HABP2: variants seen among roughly 807,000 people sequenced by gnomAD.
HABP2 encodes hyaluronan binding protein 2.
A neutral mutation model predicts 66.5 loss-of-function variants in HABP2; 65 were observed. That is an observed-to-expected ratio of 0.98 (90% confidence interval 0.80 to 1.20). HABP2 has a LOEUF of 1.20. Among genes scored for constraint, HABP2 ranks in the 50% most tolerant of loss-of-function variants. HABP2 has a pLI of 0.00. For synonymous variants in HABP2, 263 were observed against 253.9 expected, an observed-to-expected ratio of 1.04 and a Z score of -0.34; for missense variants, 786 against 691.0, an observed-to-expected ratio of 1.14 and a Z score of -1.54.
chr10:113,589,570 G>T lies in HABP2; in HGVS notation c.*1201G>T. On this transcript the variant is annotated 3_prime_UTR_variant, in exon 13 of 13. Coordinates refer to ENST00000351270, the MANE Select transcript of HABP2 (RefSeq NM_004132.5). The stretch of plus-strand genomic sequence containing the variant: ...GTTTCACACTTCTTTAGAGCTAGCT[G>T]ACCTTTGGCCAAAAATAAACTTTGA... The T allele has an allele frequency of 6.9e-7, 1 of 1,446,830 alleles. No individual in the cohort carries two copies. Among genetic ancestry groups the T allele is most frequent in the Non-Finnish European group, 9.4e-7 (1 of 1,067,388 alleles). The allele number at this position is 1,446,830 out of a possible 1,614,324, so 89.6% of individuals were successfully genotyped here.
chr10:113,587,912 C>T (rs986553018), intron 12 of HABP2, among the ~76,000 whole-genome samples: 11 of 152,024 alleles, frequency 7.2e-5, no homozygotes, highest in African/African-American at 1.7e-4. Flanking sequence ...TGAGGGCCCC[C>T]GAGAACTCAC....
rs546064784 is a variant in HABP2 at position 113,556,886 on chromosome 10, C to A, written c.69+3696C>A. On this transcript the variant is annotated intron_variant, in intron 1 of 12. Coordinates refer to ENST00000351270, the MANE Select transcript of HABP2 (RefSeq NM_004132.5). Reference sequence around the variant, plus strand: ...TGTTGAACTCCTGACCTTAAGTGATCCTCTAGCCTTGGCCTCTCAAAGTGC... The same window carrying A: ...TGTTGAACTCCTGACCTTAAGTGATACTCTAGCCTTGGCCTCTCAAAGTGC... 2.1e-5 allele frequency among the ~76,000 whole-genome samples: 3 copies of A among 141,134 alleles called. No homozygotes were observed. In the South Asian group the frequency reaches 6.6e-4, roughly 31 times the overall value. The allele number at this position is 141,134 out of a possible 152,430, so 92.6% of individuals were successfully genotyped here. A position where few individuals can be genotyped will look rare whatever the true frequency, so the allele number is the denominator to read the frequency against.
At chr10:113,573,320 C>A (rs1381065868) in intron 2 of HABP2, among the ~76,000 whole-genome samples, 1 of 152,304 alleles carries the variant, frequency 6.6e-6, no homozygotes, top group Admixed American at 6.5e-5. Flanking sequence ...TCCCAATGAC[C>A]AGTCTAGTGT....
chr10:113,581,869 C>G lies in HABP2; in HGVS notation c.839-7C>G. 6.2e-7 allele frequency: 1 copy of G among 1,613,728 alleles called. No homozygotes were observed. Among genetic ancestry groups the G allele is most frequent in the Non-Finnish European group, 8.5e-7 (1 of 1,179,812 alleles). On this transcript the variant is annotated splice_polypyrimidine_tract_variant and splice_region_variant and intron_variant, in intron 8 of 12. Coordinates refer to ENST00000351270, the MANE Select transcript of HABP2 (RefSeq NM_004132.5). ...ATAGCACAATTTATCTTTCTTGTGT[C>G]CCACAGACGTTGCCTACCCAGAGGA... is the stretch of plus-strand genomic sequence containing the variant.
At chr10:113,578,183 C>T in intron 6 of HABP2, 38 bp downstream of exon 6, 1 of 1,602,086 alleles carries the variant, frequency 6.2e-7, no homozygotes, top group Non-Finnish European at 8.5e-7. Context: ...ACAAGTGAGG[C>T]CTCTGGAACC....
intron 1 of HABP2, 106 bp from the exon 2 acceptor site, chr10:113,567,383 C>T (rs1184975354): frequency 2.3e-5 from 19 of 825,836 alleles, no homozygotes; most frequent in South Asian, 8.5e-5. Context: ...TCAGAAAGCA[C>T]GCAGTGCACC....
At chr10:113,575,707 C>T (rs561257547) in intron 3 of HABP2, among the ~76,000 whole-genome samples, 190 bp from the exon 4 acceptor site, 1 of 152,212 alleles carries the variant, frequency 6.6e-6, no homozygotes, top group Non-Finnish European at 1.5e-5. Flanking sequence ...GAATCCCTCT[C>T]TCTGGTCAGG....
At position 113,584,173 on chromosome 10, in the gene HABP2, T is replaced by C; in HGVS notation, c.1263T>C (p.Asp421=). The change falls in exon 11 of 13, where the codon GAT becomes GAC. Residue 421 remains aspartate (D), a synonymous_variant. Coordinates refer to ENST00000351270, the MANE Select transcript of HABP2 (RefSeq NM_004132.5). The part of the protein sequence containing the change: ...DIALLKLKPV[D]GHCALESKYV... ...CATTGCTCAAGTTAAAGCCAGTGGATGGTCACTGTGCTCTAGAATCCAAAT... is the reference window on the plus strand; with the variant it reads ...CATTGCTCAAGTTAAAGCCAGTGGACGGTCACTGTGCTCTAGAATCCAAAT... 6.2e-7 allele frequency: 1 copy of C among 1,613,792 alleles called. No individual in the cohort carries two copies. The highest frequency in any genetic ancestry group is 8.5e-7 in the Non-Finnish European group (1 of 1,179,668).
chr10:113,568,122 C>T (rs568894078), intron 2 of HABP2, among the ~76,000 whole-genome samples: 112 of 152,350 alleles, frequency 7.4e-4, no homozygotes, highest in African/African-American at 2.5e-3. Context: ...CCTGTGTCCT[C>T]GGCCTTGTGC....
At position 113,578,697 on chromosome 10, in the gene HABP2, T is replaced by G; in HGVS notation, c.639T>G (p.His213Gln). The change falls in exon 7 of 13, where the codon CAT becomes CAG. Residue 213 changes from histidine (H) to glutamine (Q), a missense_variant. Physicochemically the swap from His to Gln is conservative, Grantham distance 24 (BLOSUM62 0). Transcript: ENST00000351270. The stretch of plus-strand genomic sequence containing the variant: ...AAATGAATAGGACAGTCAACCAGCA[T>G]GCGTGCCTTTACTGGAACTCCCACC... ...RGKMNRTVNQ[H>Q]ACLYWNSHLL... The G allele has an allele frequency of 6.2e-7, 1 of 1,606,688 alleles. No individual in the cohort carries two copies.
chr10:113,552,882 T>G, upstream of HABP2: 2 of 401,600 alleles, frequency 5.0e-6, no homozygotes, highest in Non-Finnish European at 9.0e-6. Context: ...CTTTGGAGAG[T>G]TTCTCCCCAG....
At chr10:113,565,718 T>C (rs1461143749) in intron 1 of HABP2, among the ~76,000 whole-genome samples, 1 of 152,218 alleles carries the variant, frequency 6.6e-6, no homozygotes, top group Non-Finnish European at 1.5e-5. Flanking sequence ...CTTTTTGCCA[T>C]TGTTTTTAAA....
At chr10:113,567,065 G>A (rs1845211303) in intron 1 of HABP2, among the ~76,000 whole-genome samples, 1 of 152,146 alleles carries the variant, frequency 6.6e-6, no homozygotes. Flanking sequence ...TGTGACCTCC[G>A]AGTCCAAATT....
intron 1 of HABP2, among the ~76,000 whole-genome samples, chr10:113,557,504 G>A (rs17130453): frequency 2.0e-4 from 31 of 152,120 alleles, no homozygotes; most frequent in Admixed American, 1.6e-3. Flanking sequence ...TTTGGCAGCC[G>A]GGATTTTAAA....
chr10:113,584,685 C>T (rs774331766), intron 11 of HABP2, among the ~76,000 whole-genome samples: 21 of 152,218 alleles, frequency 1.4e-4, no homozygotes, highest in Middle Eastern at 3.4e-3. Flanking sequence ...ACTTACTTCC[C>T]GGGTTTGCAA....
intron 5 of HABP2, among the ~76,000 whole-genome samples, chr10:113,577,701 T>A (rs936116835): frequency 6.6e-6 from 1 of 152,208 alleles, no homozygotes; most frequent in African/African-American, 2.4e-5. Flanking sequence ...CACATGGGTA[T>A]CAGCAGGCAG....
chr10:113,577,011 G>T, intron 4 of HABP2, 139 bp from the exon 5 acceptor site: 1 of 658,490 alleles, frequency 1.5e-6, no homozygotes, highest in Non-Finnish European at 2.8e-6. Context: ...GCCTTGTCCT[G>T]GCATAGCCCA....
chr10:113,586,651 A>G (rs1201778048), intron 12 of HABP2, among the ~76,000 whole-genome samples: 1 of 152,120 alleles, frequency 6.6e-6, no homozygotes, highest in Non-Finnish European at 1.5e-5. Flanking sequence ...GTCAAAGCCC[A>G]TTCCCCATAG....
At chr10:113,563,162 C>T (rs1845130772) in intron 1 of HABP2, among the ~76,000 whole-genome samples, 1 of 152,168 alleles carries the variant, frequency 6.6e-6, no homozygotes, top group African/African-American at 2.4e-5. Flanking sequence ...CAGTTTTCTC[C>T]CTAGTTATCT....
Sources: allele counts gnomAD v4.1 joint callset (sites outside exome capture counted in the v4.1 genomes callset), GRCh38; gene constraint gnomAD v4.1.1; transcripts MANE v1.5; gene names NCBI Gene and HGNC (gene_info 2026-07-23, HGNC 2026-07-21).